Variants in NAV3 observed in about 807,000 individuals in gnomAD.
The protein encoded by NAV3 is pore membrane and/or filament interacting like protein 1.
NAV3 carries 87 observed loss-of-function variants against 244.7 expected under a neutral mutation model. That is an observed-to-expected ratio of 0.36 (90% CI 0.30 to 0.42). The LOEUF is 0.42. Ranked by LOEUF, NAV3 falls within the 20% of genes least tolerant of loss-of-function variation. NAV3 has a pLI of 1.00. For missense variants in NAV3, 2,663 were observed against 2,893.3 expected, an observed-to-expected ratio of 0.92 and a Z score of 1.83; for synonymous variants, 1,126 against 1,042.2, an observed-to-expected ratio of 1.08 and a Z score of -1.55.
At chr12:77,712,299 A>G (rs1271171300) in intron 2 of NAV3, among the ~76,000 whole-genome samples, 1 of 152,148 alleles carries the variant, frequency 6.6e-6, no homozygotes, top group Admixed American at 6.5e-5. Flanking sequence ...TAGAGGGAGG[A>G]TATCATTCTA....
At chr12:78,175,570 C>G in intron 25 of NAV3, 143 bp downstream of exon 25, 3 of 1,043,254 alleles carry the variant, frequency 2.9e-6, no homozygotes, top group Middle Eastern at 3.3e-4. Flanking sequence ...CACTCATCAC[C>G]AAAATTGGAG....
intron 5 of NAV3, among the ~76,000 whole-genome samples, chr12:77,993,041 A>G (rs1047804747): frequency 1.3e-5 from 2 of 152,204 alleles, no homozygotes; most frequent in East Asian, 1.9e-4. Flanking sequence ...GTATCCTTAT[A>G]TAATAATTCA....
intron 2 of NAV3, among the ~76,000 whole-genome samples, chr12:77,705,523 A>T (rs1309738098): frequency 6.6e-6 from 1 of 151,564 alleles, no homozygotes; most frequent in African/African-American, 2.4e-5. Context: ...CCCCAAAGTT[A>T]TACTCTTAGG....
chr12:77,933,296 G>C (rs1321412899), intron 1 of NAV3, among the ~76,000 whole-genome samples: 1 of 152,158 alleles, frequency 6.6e-6, no homozygotes, highest in Non-Finnish European at 1.5e-5. Flanking sequence ...GGTGAGAGAT[G>C]ATGAGAAGCG....
At chr12:77,586,696 C>T (rs963854169) in intron 2 of NAV3, among the ~76,000 whole-genome samples, 6 of 152,198 alleles carry the variant, frequency 3.9e-5, no homozygotes, top group East Asian at 3.9e-4. Context: ...AGTATCCACT[C>T]GTCACGTGTG....
At chr12:78,094,289 A>G (rs1954117225) in intron 12 of NAV3, among the ~76,000 whole-genome samples, 1 of 152,236 alleles carries the variant, frequency 6.6e-6, no homozygotes, top group African/African-American at 2.4e-5. Flanking sequence ...AGTTGAAATC[A>G]GCTTGTCTTT....
intron 3 of NAV3, among the ~76,000 whole-genome samples, chr12:77,961,056 T>TACATGTATAC (rs1891892833): frequency 7.6e-6 from 1 of 132,226 alleles, no homozygotes; most frequent in African/African-American, 2.8e-5. Context: ...ATGTATATGT[T>TACATGTATAC]GCATGTATAC....
chr12:77,728,273 G>T (rs11106451), intron 2 of NAV3, among the ~76,000 whole-genome samples: 2 of 152,058 alleles, frequency 1.3e-5, no homozygotes, highest in East Asian at 3.9e-4. Context: ...ACGATGATTT[G>T]TGGTCAAAAG....
intron 11 of NAV3, among the ~76,000 whole-genome samples, chr12:78,053,006 G>A (rs1219692309): frequency 6.6e-6 from 1 of 151,888 alleles, no homozygotes; most frequent in African/African-American, 2.4e-5. Flanking sequence ...ATCGCCTGAG[G>A]TCAGGAGTTC....
At chr12:77,689,150 A>G (rs932596229) in intron 2 of NAV3, among the ~76,000 whole-genome samples, 3 of 151,978 alleles carry the variant, frequency 2.0e-5, no homozygotes, top group Non-Finnish European at 4.4e-5. Context: ...CCAAGCATTA[A>G]CAAGTCTAAA....
chr12:77,916,618 C>T (rs1335251076), intron 1 of NAV3, among the ~76,000 whole-genome samples: 2 of 151,902 alleles, frequency 1.3e-5, no homozygotes, highest in Non-Finnish European at 2.9e-5. Context: ...GTATTTTAAC[C>T]TATGAATGGA....
At chr12:77,580,426 G>A (rs1352173379) in intron 2 of NAV3, among the ~76,000 whole-genome samples, 1 of 152,100 alleles carries the variant, frequency 6.6e-6, no homozygotes, top group Non-Finnish European at 1.5e-5. Context: ...GAGAGTCAGA[G>A]GGAGAATTAG....
At chr12:78,061,717 T>C (rs1884353073) in intron 12 of NAV3, among the ~76,000 whole-genome samples, 1 of 152,102 alleles carries the variant, frequency 6.6e-6, no homozygotes. Flanking sequence ...CTTCCTTCTA[T>C]GAAAAATTGT....
At chr12:78,050,631 A>T in intron 10 of NAV3, 133 bp from the exon 11 acceptor site, 1 of 919,216 alleles carries the variant, frequency 1.1e-6, no homozygotes, top group South Asian at 1.8e-5. Context: ...AAATGAATAT[A>T]GAGTTTAGCT....
At chr12:77,960,590 A>G (rs1891812582) in intron 3 of NAV3, among the ~76,000 whole-genome samples, 2 of 148,892 alleles carry the variant, frequency 1.3e-5, no homozygotes, top group Non-Finnish European at 1.5e-5. Context: ...CCTATAATAT[A>G]TAACATATAT....
chr12:78,042,689 C>T (rs868430632), intron 9 of NAV3, among the ~76,000 whole-genome samples: 16 of 151,966 alleles, frequency 1.1e-4, no homozygotes, highest in South Asian at 1.0e-3. Flanking sequence ...CTTGAGAGGC[C>T]GAAGCAGGGG....
intron 2 of NAV3, among the ~76,000 whole-genome samples, chr12:77,594,651 C>G (rs948103258): frequency 6.6e-6 from 1 of 152,166 alleles, no homozygotes; most frequent in Non-Finnish European, 1.5e-5. Context: ...AGATGAGACA[C>G]TTTTCACATA....
chr12:77,601,566 G>C (rs535389559), intron 2 of NAV3, among the ~76,000 whole-genome samples: 13 of 152,070 alleles, frequency 8.5e-5, no homozygotes, highest in Admixed American at 8.5e-4. Flanking sequence ...CAATGTAGTA[G>C]GAGCATGTGG....
At chr12:78,187,821 TAA>T (rs915744084) in intron 31 of NAV3, among the ~76,000 whole-genome samples, 1 of 151,908 alleles carries the variant, frequency 6.6e-6, no homozygotes, top group African/African-American at 2.4e-5. Flanking sequence ...AATAGTAAGA[TAA>T]AGTTCTAGAA....
Sources: allele counts gnomAD v4.1 joint callset (sites outside exome capture counted in the v4.1 genomes callset), GRCh38; gene constraint gnomAD v4.1.1; transcripts MANE v1.5; gene names NCBI Gene and HGNC (gene_info 2026-07-23, HGNC 2026-07-21).